LSS: variants seen among roughly 807,000 people sequenced by gnomAD.
The protein encoded by LSS is lanosterol synthase, also known as 2,3-epoxysqualene-lanosterol cyclase.
Under a neutral mutation model 110.3 loss-of-function variants are expected in LSS, and 90 were observed. That is an observed-to-expected ratio of 0.82 (90% CI 0.69 to 0.97). The LOEUF (loss-of-function observed/expected upper bound fraction) is 0.97, where lower values mean the gene tolerates loss of function less well. Among genes scored for constraint, LSS ranks in the 50% least tolerant of loss-of-function variants. The pLI, the probability that LSS is intolerant of heterozygous loss-of-function variation, is 0.00. For synonymous variants in LSS, 433 were observed against 400.0 expected (o/e 1.08, Z -0.98); for missense variants, 927 against 990.0 (o/e 0.94, Z 0.85).
chr21:46,214,205 G>T (rs1035405737), intron 9 of LSS, among the ~76,000 whole-genome samples: 2 of 152,232 alleles, frequency 1.3e-5, no homozygotes, highest in Non-Finnish European at 2.9e-5. Context: ...CCCAGGAAGA[G>T]ATGCGAAGAC....
chr21:46,204,629 A>AG (rs1555895288), intron 17 of LSS, among the ~76,000 whole-genome samples: 8 of 151,636 alleles, frequency 5.3e-5, no homozygotes, highest in Non-Finnish European at 7.4e-5. Context: ...TCTCAAAAAA[A>AG]AAAGAAAGAA....
chr21:46,190,979 C>T lies in LSS; in HGVS notation c.*125G>A. On this transcript the variant is annotated 3_prime_UTR_variant, in exon 22 of 22. Coordinates refer to ENST00000397728, the MANE Select transcript of LSS (RefSeq NM_002340.6). This position sits in a 1 kb window ranked among gnomAD's most constrained non-coding sequence, Gnocchi z 4.6. ...GCCTCCAGCCTGGCCCCCAGATTCA[C>T]ATCTATGAGATAGAGGTTGAGGGGT... 8.4e-7 allele frequency: 1 copy of T among 1,186,018 alleles called. No individual in the cohort carries two copies. Among genetic ancestry groups the T allele is most frequent in the East Asian group, 2.5e-5 (1 of 40,254 alleles). The allele number at this position is 1,186,018 out of a possible 1,614,324, so 73.5% of individuals were successfully genotyped here. A position where few individuals can be genotyped will look rare whatever the true frequency, so the allele number is the denominator to read the frequency against.
Position 46,196,296 on chromosome 21 carries a change from T to C in LSS, c.1671-29A>G, listed in dbSNP as rs186230840. 6,870 of 1,598,300 alleles carry C rather than the reference T, an allele frequency of 4.3e-3. 32 individuals are homozygous for C. Among genetic ancestry groups the C allele is most frequent in the Non-Finnish European group, 4.9e-3 (5,755 of 1,165,652 alleles). On this transcript the variant is annotated intron_variant, in intron 17 of 21. Transcript: ENST00000397728. Reference sequence around the variant, plus strand: ...GAACACGAGATTGGTCCAGTGAACATTCTGGTAAAACAGCAGTTTACCTAT... The same window carrying C: ...GAACACGAGATTGGTCCAGTGAACACTCTGGTAAAACAGCAGTTTACCTAT...
intron 19 of LSS, 33 bp downstream of exon 19, chr21:46,195,642 AC>A (rs771858749): frequency 6.4e-6 from 10 of 1,556,724 alleles, no homozygotes; most frequent in Non-Finnish European, 8.0e-6. Flanking sequence ...TGGGTTGAGA[AC>A]CCCCACCCAC....
In LSS at chr21:46,195,728, T is replaced by C. The variant is rs764626863; in HGVS notation, c.1765A>G (p.Thr589Ala). 6.2e-7 allele frequency: 1 copy of C among 1,613,804 alleles called. No homozygotes were observed. Among genetic ancestry groups the C allele is most frequent in the Non-Finnish European group, 8.5e-7 (1 of 1,180,018 alleles). Residue 589 changes from threonine to alanine, a missense_variant, in exon 19 of 22, where the codon ACC becomes GCC. Physicochemically the swap from Thr to Ala is moderately conservative, Grantham distance 58 (BLOSUM62 0). Transcript: ENST00000397728. ...GCGAAGGCCTCCAGGCCAAACCAGG[T>C]GCCGTAGGTGAAGCAAACTCCCCAG... Reference protein sequence around the residue: ...GSWGVCFTYGTWFGLEAFACM... With the variant: ...GSWGVCFTYGAWFGLEAFACM...
chr21:46,210,634 C>A, intron 12 of LSS, 54 bp downstream of exon 12: 1 of 1,572,704 alleles, frequency 6.4e-7, no homozygotes, highest in South Asian at 1.1e-5. Context: ...GATGCGTGGG[C>A]TCACGTGCAC....
chr21:46,218,462 A>G (rs1336144521), intron 6 of LSS, among the ~76,000 whole-genome samples: 3 of 151,922 alleles, frequency 2.0e-5, no homozygotes, highest in Non-Finnish European at 2.9e-5. Context: ...TGTCTCTACT[A>G]AAAATACAAC....
intron 20 of LSS, among the ~76,000 whole-genome samples, chr21:46,194,025 T>C (rs2079871378): frequency 6.6e-6 from 1 of 152,160 alleles, no homozygotes; most frequent in South Asian, 2.1e-4. Context: ...CATCTGTGTG[T>C]GCACATCAGT....
intron 14 of LSS, among the ~76,000 whole-genome samples, chr21:46,207,872 G>C (rs1412017116): frequency 6.6e-6 from 1 of 152,236 alleles, no homozygotes; most frequent in African/African-American, 2.4e-5. Flanking sequence ...GGCAGCAGCA[G>C]CTGGGTCCAT....
At chr21:46,213,966 G>A (rs1465220614) in intron 9 of LSS, 131 bp from the exon 10 acceptor site, 1 of 678,000 alleles carries the variant, frequency 1.5e-6, no homozygotes, top group African/African-American at 1.8e-5. Context: ...CCAGGACAGG[G>A]GCCTTCTGCT....
intron 2 of LSS, among the ~76,000 whole-genome samples, chr21:46,228,115 C>T (rs1018962908): frequency 6.6e-6 from 1 of 152,242 alleles, no homozygotes; most frequent in African/African-American, 2.4e-5. Flanking sequence ...TCTTACAATG[C>T]ACACAACTAA....
chr21:46,208,640 C>T (rs2080086789), intron 13 of LSS, among the ~76,000 whole-genome samples: 2 of 152,212 alleles, frequency 1.3e-5, no homozygotes, highest in Admixed American at 6.5e-5. Context: ...CTGTGCCAGG[C>T]GCCCCCAATG....
At position 46,189,755 on chromosome 21, in the gene LSS, G is replaced by A. The variant is rs763704039; in HGVS notation, c.*1349C>T. On this transcript the variant is annotated 3_prime_UTR_variant, in exon 22 of 22. Coordinates refer to ENST00000397728, the MANE Select transcript of LSS (RefSeq NM_002340.6). ...GCCCAGAAGGCGGCAGGGAGGGGAA[G>A]AGCAGATAAGGAGGTATAGGGTGTG... 2.6e-5 allele frequency: 12 copies of A among 457,176 alleles called. No individual in the cohort carries two copies. The highest frequency in any genetic ancestry group is 4.4e-5 in the Non-Finnish European group (10 of 226,836). The allele number at this position is 457,176 out of a possible 1,614,324, so 28.3% of individuals were successfully genotyped here. A position where few individuals can be genotyped will look rare whatever the true frequency, so the allele number is the denominator to read the frequency against.
chr21:46,215,172 G>A lies in LSS; in HGVS notation c.1011+8C>T. ...GGCTGCAGTCAGAGGCCGGGCAGGG[G>A]CACTGACCGGGCCGATGCTGATGCT... On this transcript the variant is annotated splice_region_variant and intron_variant, in intron 9 of 21. Coordinates refer to ENST00000397728, the MANE Select transcript of LSS (RefSeq NM_002340.6). 1.2e-6 allele frequency: 2 copies of A among 1,605,082 alleles called. No homozygotes were observed. The highest frequency in any genetic ancestry group is 2.2e-5 in the South Asian group (2 of 90,920).
At chr21:46,222,208 C>T in intron 4 of LSS, 1 of 569,888 alleles carries the variant, frequency 1.8e-6, no homozygotes, top group South Asian at 2.1e-5. Flanking sequence ...CTGCTCTACA[C>T]CTTCCCACGC....
chr21:46,227,441 T>C, intron 3 of LSS, 111 bp downstream of exon 3: 2 of 1,372,832 alleles, frequency 1.5e-6, no homozygotes, highest in Non-Finnish European at 2.0e-6. Context: ...CCTTTTCTTG[T>C]GAGCCCCTGG....
chr21:46,220,874 A>G (rs1163265860), intron 5 of LSS, among the ~76,000 whole-genome samples: 1 of 141,502 alleles, frequency 7.1e-6, no homozygotes, highest in Non-Finnish European at 1.5e-5. Context: ...CAGGGCTTGG[A>G]GAGAAAGATA....
At chr21:46,219,969 C>G (rs1259714463) in intron 5 of LSS, among the ~76,000 whole-genome samples, 2 of 152,238 alleles carry the variant, frequency 1.3e-5, no homozygotes, top group Non-Finnish European at 2.9e-5. Flanking sequence ...AGCGCACACT[C>G]AGCCTCGCCC....
chr21:46,201,040 G>C (rs2079971789), intron 17 of LSS, among the ~76,000 whole-genome samples: 1 of 146,556 alleles, frequency 6.8e-6, no homozygotes, highest in Non-Finnish European at 1.5e-5. Flanking sequence ...CATGTGGGAG[G>C]ACAGGTCATG....
Sources: gnomAD v4.1 joint callset for allele counts (sites outside exome capture counted in the v4.1 genomes callset) on GRCh38, gnomAD v4.1.1 for gene constraint, Gnocchi (gnomAD v3.1) non-coding constraint, MANE v1.5 for transcripts, NCBI Gene and HGNC (gene_info 2026-07-23, HGNC 2026-07-21) for gene names.